Variants in GLUD1 observed in about 807,000 individuals in gnomAD.
The protein encoded by GLUD1 is glutamate dehydrogenase 1, mitochondrial.
In GLUD1, 22 loss-of-function variants were observed where a neutral mutation model predicts 56.0. That is an observed-to-expected ratio of 0.39 (90% CI 0.28 to 0.56). The LOEUF is 0.56. GLUD1 is among the 20% of genes least tolerant of loss of function. The pLI is 0.58. For missense variants in GLUD1, 451 were observed against 732.0 expected (o/e 0.62, Z 4.43); for synonymous variants, 223 against 269.9 (o/e 0.83, Z 1.70).
intron 1 of GLUD1, 37 bp from the exon 2 acceptor site, chr10:87,076,693 G>T: frequency 8.8e-7 from 1 of 1,136,608 alleles, no homozygotes; most frequent in Non-Finnish European, 1.3e-6. Context: ...TGGGGTGGGT[G>T]AGAAAGAAGG....
intron 4 of GLUD1, among the ~76,000 whole-genome samples, chr10:87,071,433 C>T (rs373210896): frequency 1.2e-4 from 18 of 152,112 alleles, no homozygotes; most frequent in East Asian, 7.8e-4. Flanking sequence ...GTGATCCACC[C>T]GCCTCAGCCT....
At position 87,094,278 on chromosome 10, in the gene GLUD1, C is replaced by T. The variant is rs1234817060; in HGVS notation, c.445+47G>A. ...ACCGGCAGGAGGCCGGAGGGGAGGGCCGCAGGGGAGGCAGGGAGGGCGGGA... is the reference window on the plus strand; with the variant it reads ...ACCGGCAGGAGGCCGGAGGGGAGGGTCGCAGGGGAGGCAGGGAGGGCGGGA... On this transcript the variant is annotated intron_variant, in intron 1 of 12. Coordinates refer to ENST00000277865, the MANE Select transcript of GLUD1 (RefSeq NM_005271.5). The surrounding 1 kb of genome is among the most constrained non-coding windows in gnomAD (Gnocchi z 6.6). 6.4e-7 allele frequency: 1 copy of T among 1,553,356 alleles called. No homozygotes were observed. The highest frequency in any genetic ancestry group is 1.9e-5 in the Admixed American group (1 of 51,646).
At chr10:87,066,143 G>C (rs915329119) in intron 5 of GLUD1, among the ~76,000 whole-genome samples, 1 of 151,868 alleles carries the variant, frequency 6.6e-6, no homozygotes, top group Admixed American at 6.6e-5. Context: ...CATGCCAAAA[G>C]ACAAAAAAAA....
chr10:87,081,178 C>T (rs1161182357), intron 1 of GLUD1, among the ~76,000 whole-genome samples: 1 of 136,644 alleles, frequency 7.3e-6, no homozygotes, highest in Non-Finnish European at 1.6e-5. Context: ...GCCAGCCGCC[C>T]CGTCCAGGAG....
chr10:87,064,633 T>C (rs1846027894), intron 5 of GLUD1, among the ~76,000 whole-genome samples: 1 of 152,186 alleles, frequency 6.6e-6, no homozygotes, highest in Non-Finnish European at 1.5e-5. Context: ...ACAGAGAACT[T>C]AGAATTATAT....
In GLUD1 at chr10:87,094,692, C is replaced by T. The variant is rs905076872; in HGVS notation, c.78G>A (p.Ser26=). 1.3e-6 allele frequency: 2 copies of T among 1,498,904 alleles called. No homozygotes were observed. The highest frequency in any genetic ancestry group is 2.2e-5 in the Admixed American group (1 of 44,930). 92.9% of individuals were successfully genotyped at this position (1,498,904 alleles called of 1,614,324 possible). A position where few individuals can be genotyped will look rare whatever the true frequency, so the allele number is the denominator to read the frequency against. ...CCCGGGCCCAGCCCAGCAACGCGGC[C>T]GAGTCGGCGGACGCCGAGCCCAGGG... The part of the protein sequence containing the change: ...PAALGSASAD[S]AALLGWARGQ... The change falls in exon 1 of 13, where the codon TCG becomes TCA. Residue 26 remains serine (S), a synonymous_variant. Coordinates refer to ENST00000277865, the MANE Select transcript of GLUD1 (RefSeq NM_005271.5). This position sits in a 1 kb window ranked among gnomAD's most constrained non-coding sequence, Gnocchi z 6.6.
At chr10:87,079,228 G>GA (rs199838559) in intron 1 of GLUD1, among the ~76,000 whole-genome samples, 4,503 of 144,620 alleles carry the variant, frequency 0.031, 240 homozygotes, top group African/African-American at 0.11. Context: ...ACAGAAAAGG[G>GA]AAAAAAAAAC....
intron 1 of GLUD1, among the ~76,000 whole-genome samples, chr10:87,076,883 G>C (rs1045739766): frequency 6.6e-6 from 1 of 152,126 alleles, no homozygotes; most frequent in Non-Finnish European, 1.5e-5. Context: ...CAGTAACTAT[G>C]ATTTCACAAG....
chr10:87,053,270 GC>G (rs2133776985), intron 12 of GLUD1, 71 bp downstream of exon 12: 1 of 948,072 alleles, frequency 1.1e-6, no homozygotes, highest in South Asian at 1.3e-5. Flanking sequence ...ATACAGTCTG[GC>G]GGCTGAGATA....
Position 87,089,630 on chromosome 10 carries a change from T to C in GLUD1, c.445+4695A>G, listed in dbSNP as rs1841466127. The C allele has an allele frequency of 4.3e-5, 42 of 985,224 alleles. No homozygotes were observed. In the South Asian group the frequency reaches 1.6e-3, roughly 37 times the overall value. 61.0% of individuals were successfully genotyped at this position (985,224 alleles called of 1,614,324 possible). A position where few individuals can be genotyped will look rare whatever the true frequency, so the allele number is the denominator to read the frequency against. On this transcript the variant is annotated intron_variant, in intron 1 of 12. Coordinates refer to ENST00000277865, the MANE Select transcript of GLUD1 (RefSeq NM_005271.5). ...GGCTGCAGAATCTTCTAGGTGTAGT[T>C]GCCTTTTTGTAAAGATAATCGGAAG... is the stretch of plus-strand genomic sequence containing the variant.
intron 4 of GLUD1, among the ~76,000 whole-genome samples, chr10:87,073,043 C>T (rs1201381247): frequency 6.6e-6 from 1 of 152,216 alleles, no homozygotes; most frequent in African/African-American, 2.4e-5. Flanking sequence ...CAAATCTAGT[C>T]AAGTTTTAGA....
At chr10:87,059,429 A>T (rs950324003) in intron 9 of GLUD1, among the ~76,000 whole-genome samples, 156 bp from the exon 10 acceptor site, 2 of 151,562 alleles carry the variant, frequency 1.3e-5, no homozygotes, top group African/African-American at 4.9e-5. Context: ...CTTAATTAAC[A>T]CTCCTTCCCA....
Position 87,080,137 on chromosome 10 carries a change from G to A in GLUD1, c.446-3481C>T, listed in dbSNP as rs562736035. On this transcript the variant is annotated intron_variant, in intron 1 of 12. Transcript: ENST00000277865. ...ATTTTTTTGGTGGAGACGGGATTTC[G>A]CTGTGTTGGCCGGGCTGGTCTCCAG... is the stretch of plus-strand genomic sequence containing the variant. 1.2e-4 allele frequency among the ~76,000 whole-genome samples: 18 copies of A among 152,018 alleles called. No homozygotes were observed. In the East Asian group the frequency reaches 2.9e-3, roughly 25 times the overall value.
chr10:87,076,894 A>G (rs1332332015), intron 1 of GLUD1, among the ~76,000 whole-genome samples: 2 of 152,214 alleles, frequency 1.3e-5, no homozygotes, highest in Non-Finnish European at 2.9e-5. Context: ...ATTTCACAAG[A>G]CAAAAATCAC....
intron 1 of GLUD1, chr10:87,093,967 C>A (rs1564568743): frequency 7.1e-7 from 1 of 1,400,954 alleles, no homozygotes; most frequent in Non-Finnish European, 9.4e-7. Flanking sequence ...CATTATCACA[C>A]GGGCAGGTCA....
chr10:87,060,204 T>G lies in GLUD1; in HGVS notation c.1235A>C (p.Glu412Ala). 1.2e-6 allele frequency: 2 copies of G among 1,612,208 alleles called. No homozygotes were observed. Among genetic ancestry groups the G allele is most frequent in the Non-Finnish European group, 1.7e-6 (2 of 1,178,234 alleles). ...TCTCTCCAGGAAGATCTTGTCAGCT[T>G]CTGGAGTTGTTGGCCCATTGGCACC... ...AEGANGPTTP[E>A]ADKIFLERNI... Residue 412 changes from glutamate to alanine, a missense_variant, in exon 9 of 13, where the codon GAA (glutamate) becomes GCA (alanine). Glu to Ala is a moderately radical substitution (Grantham distance 107). Transcript: ENST00000277865.
At chr10:87,062,918 C>T in intron 5 of GLUD1, 83 bp from the exon 6 acceptor site, 3 of 1,271,994 alleles carry the variant, frequency 2.4e-6, no homozygotes, top group Non-Finnish European at 3.4e-6. Context: ...AGTCAAAGCA[C>T]ATTCTCATTT....
At chr10:87,063,962 T>TC (rs1010474676) in intron 5 of GLUD1, among the ~76,000 whole-genome samples, 5 of 151,972 alleles carry the variant, frequency 3.3e-5, no homozygotes, top group African/African-American at 1.2e-4. Flanking sequence ...CACTGCAAGC[T>TC]CCATCTCCCG....
chr10:87,060,710 T>C lies in GLUD1; in HGVS notation c.1175A>G (p.Asn392Ser), dbSNP rs200813784. 58 of 1,614,178 alleles carry C rather than the reference T, an allele frequency of 3.6e-5. No individual in the cohort carries two copies. In the Middle Eastern group the frequency reaches 5.0e-4, roughly 14 times the overall value. ...AASEKQLTKS[N>S]APRVKAKIIA... ...CACCTTGGCTTTGACTCTGGGTGCGTTGGATTTGGTCAACTGCTTCTCACT... is the reference window on the plus strand; with the variant it reads ...CACCTTGGCTTTGACTCTGGGTGCGCTGGATTTGGTCAACTGCTTCTCACT... Residue 392 changes from asparagine to serine, a missense_variant, in exon 8 of 13, where the codon AAC (asparagine) becomes AGC (serine). Around this residue, in one of 4 missense-constraint regions of GLUD1, gnomAD observed 248 missense variants for 460.0 expected, o/e 0.54. Coordinates refer to ENST00000277865, the MANE Select transcript of GLUD1 (RefSeq NM_005271.5).
Sources: gnomAD v4.1 joint callset for allele counts (sites outside exome capture counted in the v4.1 genomes callset) on GRCh38, gnomAD v4.1.1 for gene constraint, gnomAD v4.1.1 regional missense constraint, Gnocchi (gnomAD v3.1) non-coding constraint, MANE v1.5 for transcripts, NCBI Gene and HGNC (gene_info 2026-07-23, HGNC 2026-07-21) for gene names.